LCP1: variants seen among roughly 807,000 people sequenced by gnomAD.
LCP1 encodes the protein plastin-2.
In LCP1, 23 loss-of-function variants were observed where a neutral mutation model predicts 72.0. That is an observed-to-expected ratio of 0.32 (90% CI 0.23 to 0.45). The LOEUF (loss-of-function observed/expected upper bound fraction) is 0.45. LCP1 is among the 20% of genes least tolerant of loss of function. The pLI, the probability that LCP1 is intolerant of heterozygous loss-of-function variation, is 1.00. For missense variants in LCP1, 571 were observed against 748.3 expected (o/e 0.76, Z 2.76); for synonymous variants, 245 against 275.4 (o/e 0.89, Z 1.09).
In LCP1 at chr13:46,135,249, C is replaced by T. The variant is rs189027500; in HGVS notation, c.1503-999G>A. Among the ~76,000 whole-genome samples the T allele has an allele frequency of 2.1e-3, 326 of 152,164 alleles. 2 individuals are homozygous for T. The highest frequency in any genetic ancestry group is 3.9e-3 in the Non-Finnish European group (264 of 68,002). On this transcript the variant is annotated intron_variant, in intron 13 of 15. Coordinates refer to ENST00000323076, the MANE Select transcript of LCP1 (RefSeq NM_002298.5). ...GTCCAGGAACACATGGGTTTGTGGA[C>T]TTCATGGTTCAGGTTGGCAGGAGGG...
intron 1 of LCP1, among the ~76,000 whole-genome samples, chr13:46,173,763 A>G (rs1037671114): frequency 3.3e-5 from 5 of 152,206 alleles, no homozygotes; most frequent in Non-Finnish European, 7.3e-5. Context: ...AGCCAACAGC[A>G]TTGGTATTAG....
At chr13:46,135,788 C>T (rs2045661498) in intron 13 of LCP1, among the ~76,000 whole-genome samples, 1 of 148,912 alleles carries the variant, frequency 6.7e-6, no homozygotes, top group Admixed American at 6.8e-5. Flanking sequence ...CACTACATGG[C>T]CCATGGCCCA....
At position 46,126,092 on chromosome 13, in the gene LCP1, T is replaced by C. The variant is rs1391831274; in HGVS notation, c.*1499A>G. 4.7e-6 allele frequency: 1 copy of C among 215,038 alleles called. No homozygotes were observed. Among genetic ancestry groups the C allele is most frequent in the Non-Finnish European group, 9.4e-6 (1 of 106,420 alleles). 13.3% of individuals were successfully genotyped at this position (215,038 alleles called of 1,614,324 possible). A position where few individuals can be genotyped will look rare whatever the true frequency, so the allele number is the denominator to read the frequency against. Reference sequence around the variant, plus strand: ...AATTTGTATTCAGAAGCAGCAAAAATACTGGTTATGGGCTGGGAGGAGCCA... The same window carrying C: ...AATTTGTATTCAGAAGCAGCAAAAACACTGGTTATGGGCTGGGAGGAGCCA... On this transcript the variant is annotated 3_prime_UTR_variant, in exon 16 of 16. Transcript: ENST00000323076.
At chr13:46,167,120 T>C (rs1249858336) in intron 1 of LCP1, among the ~76,000 whole-genome samples, 1 of 152,184 alleles carries the variant, frequency 6.6e-6, no homozygotes, top group Non-Finnish European at 1.5e-5. Context: ...CAGGCTCTGA[T>C]GTAAATGCCA....
chr13:46,173,906 C>T (rs1033167552), intron 1 of LCP1, among the ~76,000 whole-genome samples: 3 of 152,172 alleles, frequency 2.0e-5, no homozygotes, highest in Admixed American at 1.3e-4. Flanking sequence ...AGCCCAACCA[C>T]ATACACTATG....
At chr13:46,153,874 G>T (rs2045784775) in intron 6 of LCP1, among the ~76,000 whole-genome samples, 1 of 152,086 alleles carries the variant, frequency 6.6e-6, no homozygotes, top group Non-Finnish European at 1.5e-5. Context: ...AACAATGCAG[G>T]TAATGTAACT....
At position 46,167,692 on chromosome 13, in the gene LCP1, G is replaced by T. The variant is rs59028957; in HGVS notation, c.-24-8006C>A. Among the ~76,000 whole-genome samples, 376 of 152,142 alleles carry T rather than the reference G, an allele frequency of 2.5e-3. 3 individuals are homozygous for T. Among genetic ancestry groups the T allele is most frequent in the African/African-American group, 8.0e-3 (333 of 41,434 alleles). On this transcript the variant is annotated intron_variant, in intron 1 of 15. Transcript: ENST00000323076. ...CTTTTCAATAAATTGAATATTATGG[G>T]CTAGCTGTTTAACCATGATTGCACT...
At chr13:46,154,344 A>G (rs1242024293) in intron 6 of LCP1, among the ~76,000 whole-genome samples, 2 of 152,234 alleles carry the variant, frequency 1.3e-5, no homozygotes, top group African/African-American at 4.8e-5. Context: ...ACTGCTGGTT[A>G]CTATTCCAGT....
At position 46,142,331 on chromosome 13, in the gene LCP1, C is replaced by A. The variant is rs755322384; in HGVS notation, c.1463G>T (p.Arg488Leu). The change falls in exon 13 of 16, where the codon CGC becomes CTC. Residue 488 changes from arginine to leucine, a missense_variant. Arg to Leu is a moderately radical substitution (Grantham distance 102, BLOSUM62 -2). Transcript: ENST00000323076. ...IGGQDLNEGN[R>L]TLTLALIWQL... ...CCAAATCAAGGCCAGTGTGAGAGTGCGGTTTCCTTCATTGAGATCTTGTCC... is the reference window on the plus strand; with the variant it reads ...CCAAATCAAGGCCAGTGTGAGAGTGAGGTTTCCTTCATTGAGATCTTGTCC... The A allele has an allele frequency of 1.2e-6, 2 of 1,613,974 alleles. No individual in the cohort carries two copies. The highest frequency in any genetic ancestry group is 1.7e-6 in the Non-Finnish European group (2 of 1,179,922).
intron 1 of LCP1, among the ~76,000 whole-genome samples, chr13:46,170,298 C>A (rs1334216171): frequency 6.6e-6 from 1 of 152,230 alleles, no homozygotes; most frequent in Non-Finnish European, 1.5e-5. Context: ...GTCTAAAGGG[C>A]AGCTGCTGGC....
chr13:46,158,401 A>C (rs2045816596), intron 4 of LCP1, 121 bp downstream of exon 4: 1 of 1,119,412 alleles, frequency 8.9e-7, no homozygotes, highest in Non-Finnish European at 1.3e-6. Flanking sequence ...GTCACAGGAA[A>C]ATTGGGAGTC....
At chr13:46,138,506 A>G (rs2045678345) in intron 13 of LCP1, among the ~76,000 whole-genome samples, 1 of 152,244 alleles carries the variant, frequency 6.6e-6, no homozygotes, top group South Asian at 2.1e-4. Context: ...AGACAGCAAC[A>G]GCAGAGTGGA....
At position 46,158,827 on chromosome 13, in the gene LCP1, T is replaced by C. The variant is rs1448316398; in HGVS notation, c.227A>G (p.Lys76Arg). Residue 76 changes from lysine (K) to arginine (R), a missense_variant and splice_region_variant, in exon 3 of 16, where the codon AAG becomes AGG. Transcript: ENST00000323076. Reference sequence around the variant, plus strand: ...CCTTGTATTCTGCATGGTACTCACCTTGATAAACTCATCAAAGCTGATCCT... The same window carrying C: ...CCTTGTATTCTGCATGGTACTCACCCTGATAAACTCATCAAAGCTGATCCT... ...DGRISFDEFI[K>R]IFHGLKSTDV... The C allele has an allele frequency of 6.2e-7, 1 of 1,614,144 alleles. No individual in the cohort carries two copies. Among genetic ancestry groups the C allele is most frequent in the South Asian group, 1.1e-5 (1 of 91,080 alleles).
At chr13:46,146,840 G>A in intron 10 of LCP1, 68 bp downstream of exon 10, 1 of 1,485,724 alleles carries the variant, frequency 6.7e-7, no homozygotes, top group Non-Finnish European at 9.4e-7. Context: ...TAGGAAGTGA[G>A]TTTGAATTGC....
Position 46,127,708 on chromosome 13 carries a change from CAT to C in LCP1, c.1765_1766del (p.Met589GlyfsTer17), listed in dbSNP as rs2045607869. 1 of 1,613,978 alleles carries C rather than the reference CAT, an allele frequency of 6.2e-7. No individual in the cohort carries two copies. The highest frequency in any genetic ancestry group is 8.5e-7 in the Non-Finnish European group (1 of 1,180,026). ...KLNNAKYAISMARKIGARVYA... is the reference protein window; with the variant it reads ...KLNNAKYAISXARKIGARVYA... ...ACACTCTTGCTCCAATTTTTCGGGC[CAT>C]AGAGATGGCATATCTAAAAGGGAGA... On this transcript the variant is annotated frameshift_variant, in exon 16 of 16. Coordinates refer to ENST00000323076, the MANE Select transcript of LCP1 (RefSeq NM_002298.5). LOFTEE classifies it high-confidence loss of function.
intron 6 of LCP1, among the ~76,000 whole-genome samples, chr13:46,153,576 C>T (rs2045782397): frequency 6.6e-6 from 1 of 151,840 alleles, no homozygotes; most frequent in South Asian, 2.1e-4. Context: ...TGGCAGGTGC[C>T]TGTAATCCCA....
chr13:46,154,654 A>G, intron 6 of LCP1, 151 bp downstream of exon 6: 1 of 594,208 alleles, frequency 1.7e-6, no homozygotes, highest in Non-Finnish European at 3.0e-6. Flanking sequence ...TCAGAAATGT[A>G]TCCCTTTATC....
At chr13:46,159,422 A>C (rs1231330695) in intron 2 of LCP1, 177 bp downstream of exon 2, 1 of 599,328 alleles carries the variant, frequency 1.7e-6, no homozygotes, top group Non-Finnish European at 3.0e-6. Context: ...TTGATAGAGA[A>C]AGTCATTTTA....
chr13:46,172,339 C>T (rs986175996), intron 1 of LCP1, among the ~76,000 whole-genome samples: 4 of 152,030 alleles, frequency 2.6e-5, no homozygotes, highest in East Asian at 3.9e-4. Flanking sequence ...CAAAAATTAG[C>T]CAGGCATGGT....
Sources: gnomAD v4.1 joint callset for allele counts (sites outside exome capture counted in the v4.1 genomes callset) on GRCh38, gnomAD v4.1.1 for gene constraint, MANE v1.5 for transcripts, NCBI Gene and HGNC (gene_info 2026-07-23, HGNC 2026-07-21) for gene names.